KLHL1: variants seen among roughly 807,000 people sequenced by gnomAD.
KLHL1 encodes the protein kelch like family member 1, also known as kelch-like protein 1.
In KLHL1, 47 loss-of-function variants were observed where a neutral mutation model predicts 77.7. That is an observed-to-expected ratio of 0.60 (90% CI 0.48 to 0.77). The LOEUF is 0.77. KLHL1 is among the 30% of genes least tolerant of loss of function. The pLI is 0.00. For missense variants in KLHL1, 925 were observed against 910.8 expected (o/e 1.02, Z -0.20); for synonymous variants, 360 against 325.2 (o/e 1.11, Z -1.15).
chr13:69,867,237 A>G (rs1325812261), intron 5 of KLHL1, among the ~76,000 whole-genome samples: 2 of 152,148 alleles, frequency 1.3e-5, no homozygotes, highest in Non-Finnish European at 2.9e-5. Flanking sequence ...AATAATATGT[A>G]CTTTTAAATA....
At chr13:69,854,999 A>G (rs187629649) in intron 5 of KLHL1, among the ~76,000 whole-genome samples, 6 of 152,192 alleles carry the variant, frequency 3.9e-5, no homozygotes. Context: ...ACTTATTTGT[A>G]CTCATAAATA....
intron 5 of KLHL1, among the ~76,000 whole-genome samples, chr13:69,880,523 C>T (rs1880948369): frequency 6.6e-6 from 1 of 152,046 alleles, no homozygotes. Context: ...TATTTTATAT[C>T]TTAATTTTAA....
chr13:70,063,370 C>T (rs975668416), intron 1 of KLHL1, among the ~76,000 whole-genome samples: 5 of 152,022 alleles, frequency 3.3e-5, no homozygotes, highest in Admixed American at 6.6e-5. Flanking sequence ...ATAAAAACTG[C>T]AATTACAGCT....
chr13:70,007,720 C>CA (rs1246144914), intron 1 of KLHL1, among the ~76,000 whole-genome samples: 1 of 151,836 alleles, frequency 6.6e-6, no homozygotes, highest in Non-Finnish European at 1.5e-5. Context: ...TATTACTTTA[C>CA]AAATTAAATT....
chr13:70,088,370 C>T (rs1206053356), intron 1 of KLHL1, among the ~76,000 whole-genome samples: 1 of 146,512 alleles, frequency 6.8e-6, no homozygotes, highest in Non-Finnish European at 1.5e-5. Flanking sequence ...TTCATTTTAT[C>T]CAAAATATAT....
chr13:69,995,385 T>C (rs1885126767), intron 1 of KLHL1, among the ~76,000 whole-genome samples: 1 of 152,154 alleles, frequency 6.6e-6, no homozygotes, highest in South Asian at 2.1e-4. Flanking sequence ...CACTGAGTTA[T>C]TACTTGGTCT....
intron 2 of KLHL1, among the ~76,000 whole-genome samples, chr13:69,964,882 G>T (rs1593631142): frequency 6.6e-6 from 1 of 151,680 alleles, no homozygotes; most frequent in African/African-American, 2.4e-5. Flanking sequence ...ACTGATTTTT[G>T]TTTGAACCAT....
At chr13:69,786,786 G>A (rs979971659) in intron 7 of KLHL1, among the ~76,000 whole-genome samples, 3 of 152,152 alleles carry the variant, frequency 2.0e-5, no homozygotes, top group African/African-American at 4.8e-5. Context: ...ATCTCCTTAA[G>A]CTGATAAGCA....
At chr13:70,101,510 C>T (rs186078799) in intron 1 of KLHL1, among the ~76,000 whole-genome samples, 1 of 152,096 alleles carries the variant, frequency 6.6e-6, no homozygotes, top group Admixed American at 6.5e-5. Flanking sequence ...CTTACTGTAA[C>T]ATCCGCCTCC....
At chr13:70,074,377 G>T (rs1295755026) in intron 1 of KLHL1, among the ~76,000 whole-genome samples, 1 of 151,908 alleles carries the variant, frequency 6.6e-6, no homozygotes, top group South Asian at 2.1e-4. Flanking sequence ...GTTATGACAG[G>T]TATGGTTAGT....
At chr13:69,935,401 T>G (rs567972338) in intron 4 of KLHL1, among the ~76,000 whole-genome samples, 1 of 152,198 alleles carries the variant, frequency 6.6e-6, no homozygotes, top group Non-Finnish European at 1.5e-5. Context: ...GCTACTATAT[T>G]AATTGAGCAG....
intron 5 of KLHL1, among the ~76,000 whole-genome samples, chr13:69,851,354 G>C (rs997331675): frequency 6.6e-6 from 1 of 151,746 alleles, no homozygotes; most frequent in Admixed American, 6.6e-5. Flanking sequence ...ATAGGAATTT[G>C]TAGGTCATCT....
rs370404147 is a variant in KLHL1, at chr13:69,920,373, C to T, written c.1014+19667G>A. Among the ~76,000 whole-genome samples, 5 of 151,994 alleles carry T rather than the reference C, an allele frequency of 3.3e-5. No homozygotes were observed. The East Asian group carries it at 7.7e-4, about 23-fold the overall frequency. On this transcript the variant is annotated intron_variant, in intron 4 of 10. Transcript: ENST00000377844. ...GAAGCATTAATCCATTTGTGGTTCA[C>T]AGTGCTATTTTAAGAAATATTTAGG...
At chr13:69,995,876 G>A (rs1475777368) in intron 1 of KLHL1, among the ~76,000 whole-genome samples, 1 of 152,024 alleles carries the variant, frequency 6.6e-6, no homozygotes, top group African/African-American at 2.4e-5. Context: ...CTCATATTGA[G>A]GTCTCGACCC....
intron 7 of KLHL1, among the ~76,000 whole-genome samples, chr13:69,777,478 C>T (rs924420307): frequency 2.6e-5 from 4 of 152,028 alleles, no homozygotes; most frequent in African/African-American, 4.8e-5. Context: ...ATCTCTTGTA[C>T]TGCAAAAGGA....
At chr13:69,860,304 ATG>A (rs1385826358) in intron 5 of KLHL1, among the ~76,000 whole-genome samples, 1 of 152,054 alleles carries the variant, frequency 6.6e-6, no homozygotes, top group Non-Finnish European at 1.5e-5. Context: ...ACAAACAAGT[ATG>A]AGCATGACAA....
chr13:69,801,728 C>T (rs999987174), intron 6 of KLHL1, among the ~76,000 whole-genome samples: 3 of 151,132 alleles, frequency 2.0e-5, no homozygotes, highest in African/African-American at 4.9e-5. Flanking sequence ...TATTTATGTC[C>T]AATTTTATAA....
intron 1 of KLHL1, among the ~76,000 whole-genome samples, chr13:70,086,535 T>C (rs566445947): frequency 1.6e-5 from 2 of 127,604 alleles, no homozygotes; most frequent in South Asian, 4.9e-4. Context: ...ATCCTGCCAT[T>C]GCACTCTAGC....
intron 5 of KLHL1, among the ~76,000 whole-genome samples, chr13:69,855,925 T>TA (rs34765282): frequency 0.16 from 23,409 of 146,558 alleles, 2,396 homozygotes; most frequent in African/African-American, 0.28. Flanking sequence ...TTATAACATA[T>TA]TAATATGCAT....
Sources: gnomAD v4.1 joint callset for allele counts (sites outside exome capture counted in the v4.1 genomes callset) on GRCh38, gnomAD v4.1.1 for gene constraint, MANE v1.5 for transcripts, NCBI Gene and HGNC (gene_info 2026-07-23, HGNC 2026-07-21) for gene names.